Variants in KCNMB2 observed in about 807,000 individuals in gnomAD.
KCNMB2 encodes the protein calcium-activated potassium channel subunit beta-2.
A neutral mutation model predicts 24.5 loss-of-function variants in KCNMB2; 9 were observed. That is an observed-to-expected ratio of 0.37 (90% CI 0.22 to 0.64). The LOEUF (loss-of-function observed/expected upper bound fraction) is 0.64. Ranked by LOEUF, KCNMB2 falls within the 30% of genes least tolerant of loss-of-function variation. The probability of loss-of-function intolerance (pLI) is 0.63; values close to 1 mark genes in which losing one functional copy is unlikely to be tolerated. For missense variants in KCNMB2, 226 were observed against 284.3 expected (o/e 0.79, Z 1.47); for synonymous variants, 109 against 104.4 (o/e 1.04, Z -0.27).
intron 1 of KCNMB2, among the ~76,000 whole-genome samples, chr3:178,632,217 C>G (rs778072390): frequency 3.3e-5 from 5 of 152,134 alleles, no homozygotes; most frequent in Non-Finnish European, 5.9e-5. Context: ...ATCTCCACAA[C>G]AAACAATAAC....
At chr3:178,565,849 C>T (rs1716499398) in intron 1 of KCNMB2, among the ~76,000 whole-genome samples, 1 of 152,140 alleles carries the variant, frequency 6.6e-6, no homozygotes, top group Non-Finnish European at 1.5e-5. Context: ...TTTTTAGAAA[C>T]ACTACAATAT....
intron 1 of KCNMB2, among the ~76,000 whole-genome samples, chr3:178,619,701 AC>A (rs1560134347): frequency 6.6e-6 from 1 of 152,332 alleles, no homozygotes; most frequent in South Asian, 2.1e-4. Context: ...TCATCTTTAA[AC>A]CACATTTTGC....
chr3:178,591,307 C>T (rs954060882), intron 1 of KCNMB2, among the ~76,000 whole-genome samples: 1 of 152,312 alleles, frequency 6.6e-6, no homozygotes, highest in East Asian at 1.9e-4. Flanking sequence ...CTGACTGTTT[C>T]ACATTCCTTG....
At chr3:178,824,276 C>T (rs1207156685) in intron 2 of KCNMB2, among the ~76,000 whole-genome samples, 1 of 152,168 alleles carries the variant, frequency 6.6e-6, no homozygotes, top group Non-Finnish European at 1.5e-5. Flanking sequence ...AGAATAGTAG[C>T]AATTTTAGGA....
intron 1 of KCNMB2, among the ~76,000 whole-genome samples, chr3:178,783,865 T>C (rs1409003429): frequency 2.6e-5 from 4 of 152,204 alleles, no homozygotes; most frequent in African/African-American, 9.6e-5. Flanking sequence ...ATCCCTGTCT[T>C]GTGCCAGTTT....
At chr3:178,842,589 C>T in intron 4 of KCNMB2, 64 bp from the exon 5 acceptor site, 3 of 1,084,302 alleles carry the variant, frequency 2.8e-6, no homozygotes, top group Non-Finnish European at 4.1e-6. Context: ...CAATACTCCA[C>T]CCCCTCCTAG....
intron 1 of KCNMB2, among the ~76,000 whole-genome samples, chr3:178,776,577 C>G (rs1712588752): frequency 6.6e-6 from 1 of 152,078 alleles, no homozygotes. Flanking sequence ...AATGGGACAC[C>G]ATCACCTTTC....
At chr3:178,758,104 A>AT (rs1560006570) in intron 1 of KCNMB2, among the ~76,000 whole-genome samples, 3 of 107,946 alleles carry the variant, frequency 2.8e-5, no homozygotes, top group South Asian at 3.1e-4. Context: ...ATATATATAT[A>AT]CACACAAGAG....
intron 1 of KCNMB2, among the ~76,000 whole-genome samples, chr3:178,797,052 G>A (rs73183331): frequency 0.028 from 4,227 of 151,888 alleles, 92 homozygotes; most frequent in Middle Eastern, 0.071. Context: ...AAAAAAGGAG[G>A]CATTACACCT....
Position 178,843,018 on chromosome 3 carries a change from T to G in KCNMB2, c.*81T>G. 4 of 1,196,990 alleles carry G rather than the reference T, an allele frequency of 3.3e-6. No homozygotes were observed. Among genetic ancestry groups the G allele is most frequent in the Non-Finnish European group, 4.7e-6 (4 of 848,024 alleles). 74.1% of individuals were successfully genotyped at this position (1,196,990 alleles called of 1,614,324 possible). A position where few individuals can be genotyped will look rare whatever the true frequency, so the allele number is the denominator to read the frequency against. The stretch of plus-strand genomic sequence containing the variant: ...TCTTCACCAAAGAACCTTAAGTTTG[T>G]AACGTGCAGTCTGTTATGAGTTCCC... On this transcript the variant is annotated 3_prime_UTR_variant, in exon 5 of 5. Transcript: ENST00000452583.
intron 1 of KCNMB2, among the ~76,000 whole-genome samples, chr3:178,780,314 T>C (rs1377894176): frequency 6.6e-6 from 1 of 152,190 alleles, no homozygotes; most frequent in East Asian, 1.9e-4. Context: ...TCTTTATTCC[T>C]TATAGGAACA....
chr3:178,757,273 T>A (rs1307551992), intron 1 of KCNMB2: 3 of 136,752 alleles, frequency 2.2e-5, no homozygotes. Flanking sequence ...TGTGTGTGTG[T>A]ATACATATAT....
chr3:178,842,585 T>TCCA, intron 4 of KCNMB2, 68 bp from the exon 5 acceptor site: 1 of 1,054,988 alleles, frequency 9.5e-7, no homozygotes, highest in African/African-American at 1.6e-5. Flanking sequence ...GACACAATAC[T>TCCA]CCACCCCCTC....
At chr3:178,559,180 T>C (rs369377076) in intron 1 of KCNMB2, among the ~76,000 whole-genome samples, 16 of 152,204 alleles carry the variant, frequency 1.1e-4, no homozygotes, top group African/African-American at 3.6e-4. Flanking sequence ...ACTATCTGTA[T>C]GACTATAAAG....
At chr3:178,558,215 AACTG>A (rs1333019122) in intron 1 of KCNMB2, among the ~76,000 whole-genome samples, 1 of 152,240 alleles carries the variant, frequency 6.6e-6, no homozygotes, top group African/African-American at 2.4e-5. Flanking sequence ...ATACACAGAT[AACTG>A]ACTGTAATAA....
chr3:178,655,115 TCTC>T (rs1320855192), intron 1 of KCNMB2, among the ~76,000 whole-genome samples: 1 of 148,438 alleles, frequency 6.7e-6, no homozygotes, highest in African/African-American at 2.6e-5. Context: ...TCTCTCTCTC[TCTC>T]TCTCTCTCTC....
At chr3:178,759,989 GAT>G (rs1229955642) in intron 1 of KCNMB2, among the ~76,000 whole-genome samples, 6 of 6,628 alleles carry the variant, frequency 9.1e-4, no homozygotes, top group East Asian at 6.6e-3. Flanking sequence ...TATCCAAGAG[GAT>G]ATATATATAT....
intron 4 of KCNMB2, among the ~76,000 whole-genome samples, chr3:178,841,176 C>T (rs1289454445): frequency 6.6e-6 from 1 of 152,212 alleles, no homozygotes; most frequent in Non-Finnish European, 1.5e-5. Flanking sequence ...CTGCTAATCT[C>T]TTTGCTAAAG....
At chr3:178,568,284 C>T (rs528778642) in intron 1 of KCNMB2, among the ~76,000 whole-genome samples, 18 of 152,258 alleles carry the variant, frequency 1.2e-4, no homozygotes, top group Non-Finnish European at 2.4e-4. Flanking sequence ...AGTTCATAAA[C>T]GTCTCAGACT....
Sources: allele counts gnomAD v4.1 joint callset (sites outside exome capture counted in the v4.1 genomes callset), GRCh38; gene constraint gnomAD v4.1.1; transcripts MANE v1.5; gene names NCBI Gene and HGNC (gene_info 2026-07-23, HGNC 2026-07-21).